APC2: variants seen among roughly 807,000 people sequenced by gnomAD.
APC2 encodes adenomatous polyposis coli protein 2.
In APC2, 41 loss-of-function variants were observed where a neutral mutation model predicts 72.5. That is an observed-to-expected ratio of 0.57 (90% CI 0.44 to 0.73). APC2 has a LOEUF of 0.73. APC2 is among the 30% of genes least tolerant of loss of function. The pLI is 0.00. For synonymous variants in APC2, 1,898 were observed against 1,612.0 expected (o/e 1.18, Z -4.25); for missense variants, 3,729 against 3,403.4 (o/e 1.10, Z -2.38).
chr19:1,453,637 C>G (rs757800171), intron 4 of APC2, 26 bp downstream of exon 4: 1 of 1,573,738 alleles, frequency 6.4e-7, no homozygotes, highest in South Asian at 1.1e-5. Flanking sequence ...AACCCAGCCT[C>G]GGGCAGCTGG....
Position 1,453,030 on chromosome 19 carries a change from A to G in APC2, c.29A>G (p.Gln10Arg), listed in dbSNP as rs756965873. Residue 10 changes from glutamine (Q) to arginine (R), a missense_variant, in exon 2 of 15, where the codon CAG becomes CGG. Gln to Arg is a conservative substitution (Grantham distance 43, BLOSUM62 1). Coordinates refer to ENST00000590469, the MANE Select transcript of APC2 (RefSeq NM_005883.3). The stretch of plus-strand genomic sequence containing the variant: ...GCGAGCTCCGTGGCGCCCTACGAGC[A>G]GCTGGTGAGGCAGGTGGAGGCCTTG... MASSVAPYE[Q>R]LVRQVEALKA... The G allele has an allele frequency of 1.6e-5, 26 of 1,611,296 alleles. No homozygotes were observed. The highest frequency in any genetic ancestry group is 2.0e-5 in the Non-Finnish European group (24 of 1,179,978).
chr19:1,448,121 A>C (rs1409117659), upstream of APC2, among the ~76,000 whole-genome samples: 1 of 151,814 alleles, frequency 6.6e-6, no homozygotes, highest in East Asian at 1.9e-4. Context: ...CCCCAACCCC[A>C]TTTCAGCCTC....
rs1470073185 is a variant in APC2 at position 1,469,512 on chromosome 19, C to T, written c.6211C>T (p.Arg2071Cys). 31 of 1,136,788 alleles carry T rather than the reference C, an allele frequency of 2.7e-5. No individual in the cohort carries two copies. The highest frequency in any genetic ancestry group is 4.4e-5 in the Admixed American group (1 of 22,518). The allele number at this position is 1,136,788 out of a possible 1,614,324, so 70.4% of individuals were successfully genotyped here. A position where few individuals can be genotyped will look rare whatever the true frequency, so the allele number is the denominator to read the frequency against. Residue 2071 changes from arginine (R) to cysteine (C), a missense_variant, in exon 15 of 15, where the codon CGC becomes TGC. Arg to Cys is a radical substitution (Grantham distance 180). Transcript: ENST00000590469. ...CGCGGCCCGACCCAGCCCTGGCGAGCGCCCTGCCCGGCGCACCACCTCCGA... is the reference window on the plus strand; with the variant it reads ...CGCGGCCCGACCCAGCCCTGGCGAGTGCCCTGCCCGGCGCACCACCTCCGA... ...PPAARPSPGE[R>C]PARRTTSESP...
At chr19:1,449,938 C>T (rs2083722334), upstream of APC2, among the ~76,000 whole-genome samples, 1 of 152,172 alleles carries the variant, frequency 6.6e-6, no homozygotes, top group Non-Finnish European at 1.5e-5. Context: ...CACCCCCTTC[C>T]CTCGGGGGGG....
At chr19:1,447,043 G>A (rs2083694051), upstream of APC2, among the ~76,000 whole-genome samples, 1 of 152,160 alleles carries the variant, frequency 6.6e-6, no homozygotes, top group African/African-American at 2.4e-5. Context: ...GCTGACGGAG[G>A]CGCACGTCTG....
chr19:1,455,932 G>GACAGAGTCAGA, intron 6 of APC2, 144 bp from the exon 7 acceptor site: 1 of 805,630 alleles, frequency 1.2e-6, no homozygotes, highest in Non-Finnish European at 1.9e-6. Context: ...TCAGGGAGAA[G>GACAGAGTCAGA]GCAGAGGTAG....
Position 1,458,076 on chromosome 19 carries a change from C to A in APC2, c.1303+16C>A. 6.4e-7 allele frequency: 1 copy of A among 1,551,456 alleles called. No individual in the cohort carries two copies. Among genetic ancestry groups the A allele is most frequent in the Non-Finnish European group, 8.7e-7 (1 of 1,145,528 alleles). ...AACGAGCTAGGTGAGTGTCCCAGGT[C>A]CTCTGGGAAGCCATCCTCCAGCCCC... On this transcript the variant is annotated intron_variant, in intron 10 of 14. Coordinates refer to ENST00000590469, the MANE Select transcript of APC2 (RefSeq NM_005883.3).
chr19:1,447,497 G>A (rs988183522), upstream of APC2, among the ~76,000 whole-genome samples: 1 of 152,132 alleles, frequency 6.6e-6, no homozygotes, highest in Non-Finnish European at 1.5e-5. Context: ...CCTAGGTCGG[G>A]GTCTTGGGCT....
chr19:1,468,547 G>T lies in APC2; in HGVS notation c.5246G>T (p.Arg1749Leu). ...GCGGAGGGAGAAATGGGCAGTGCCC[G>T]GCGGCCAGAGAAAAGGGGCGCAGCC... is the stretch of plus-strand genomic sequence containing the variant. ...RQAEGEMGSARRPEKRGAASV... is the reference protein window; with the variant it reads ...RQAEGEMGSALRPEKRGAASV... The change falls in exon 15 of 15, where the codon CGG (arginine) becomes CTG (leucine). Residue 1749 changes from arginine (R) to leucine (L), a missense_variant. By Grantham distance (102) the Arg-to-Leu change is moderately radical. Transcript: ENST00000590469. The T allele has an allele frequency of 6.3e-7, 1 of 1,598,516 alleles. No homozygotes were observed. The highest frequency in any genetic ancestry group is 2.3e-5 in the East Asian group (1 of 44,402).
At position 1,469,468 on chromosome 19, in the gene APC2, C is replaced by G; in HGVS notation, c.6167C>G (p.Pro2056Arg). 8.9e-7 allele frequency: 1 copy of G among 1,125,524 alleles called. No individual in the cohort carries two copies. The highest frequency in any genetic ancestry group is 1.1e-6 in the Non-Finnish European group (1 of 923,414). The allele number at this position is 1,125,524 out of a possible 1,614,324, so 69.7% of individuals were successfully genotyped here. The part of the protein sequence containing the change: ...LRAAPRQGPA[P>R]ARQRPPAARP... ...GCGGCACCCCGGCAGGGCCCGGCCC[C>G]GGCCCGGCAGCGGCCCCCCGCGGCC... The change falls in exon 15 of 15, where the codon CCG becomes CGG. Residue 2056 changes from proline to arginine, a missense_variant. By Grantham distance (103) the Pro-to-Arg change is moderately radical (BLOSUM62 -2). Coordinates refer to ENST00000590469, the MANE Select transcript of APC2 (RefSeq NM_005883.3).
upstream of APC2, chr19:1,446,411 C>T (rs1017474140): frequency 1.0e-6 from 1 of 972,748 alleles, no homozygotes; most frequent in Non-Finnish European, 1.2e-6. The surrounding 1 kb of genome is among the most constrained non-coding windows in gnomAD (Gnocchi z 6.1). Context: ...GTCCACACCG[C>T]GGGAACAGCG....
rs753913690 is a variant in APC2, at chr19:1,468,756, G to A, written c.5455G>A (p.Ala1819Thr). The part of the protein sequence containing the change: ...PGPRATPRKV[A>T]PPCLAQPAAP... ...CCCCCGCGCCACACCGCGGAAGGTG[G>A]CGCCCCCTTGCCTGGCACAGCCCGC... Residue 1819 changes from alanine (A) to threonine (T), a missense_variant, in exon 15 of 15, where the codon GCG (alanine) becomes ACG (threonine). By Grantham distance (58) the Ala-to-Thr change is moderately conservative. Coordinates refer to ENST00000590469, the MANE Select transcript of APC2 (RefSeq NM_005883.3). The A allele has an allele frequency of 4.7e-6, 7 of 1,497,966 alleles. No individual in the cohort carries two copies. In the Admixed American group the frequency reaches 9.0e-5, roughly 19 times the overall value. The allele number at this position is 1,497,966 out of a possible 1,614,324, so 92.8% of individuals were successfully genotyped here.
intron 8 of APC2, 68 bp downstream of exon 8, chr19:1,456,472 C>G: frequency 4.2e-6 from 6 of 1,441,528 alleles, no homozygotes; most frequent in Non-Finnish European, 5.6e-6. Flanking sequence ...GGTCTGCATC[C>G]TCGCCAGTGG....
At position 1,470,276 on chromosome 19, in the gene APC2, T is replaced by A; in HGVS notation, c.*63T>A. ...CCTGCGGCGCGGTCTGGCTGCCCCATGGGCCTGCGCTGTAGACGTCCCCCA... is the reference window on the plus strand; with the variant it reads ...CCTGCGGCGCGGTCTGGCTGCCCCAAGGGCCTGCGCTGTAGACGTCCCCCA... On this transcript the variant is annotated 3_prime_UTR_variant, in exon 15 of 15. Transcript: ENST00000590469. 1 of 1,495,604 alleles carries A rather than the reference T, an allele frequency of 6.7e-7. No homozygotes were observed. Among genetic ancestry groups the A allele is most frequent in the Non-Finnish European group, 8.9e-7 (1 of 1,124,950 alleles). The allele number at this position is 1,495,604 out of a possible 1,614,324, so 92.6% of individuals were successfully genotyped here. A position where few individuals can be genotyped will look rare whatever the true frequency, so the allele number is the denominator to read the frequency against.
At chr19:1,457,303 G>T in intron 9 of APC2, 60 bp downstream of exon 9, 3 of 1,463,610 alleles carry the variant, frequency 2.0e-6, no homozygotes, top group South Asian at 2.6e-5. Flanking sequence ...GGGCTTCCCG[G>T]GGGATGGGCG....
At position 1,465,882 on chromosome 19, in the gene APC2, ATCT is replaced by A; in HGVS notation, c.2582_2584del (p.Ile861_Ser862delinsThr). ...GCGCATCGACCAGCTGGTGGAGGAC[ATCT>A]CCGCCCTGCACACCTCGTCCGACGA... On this transcript the variant is annotated inframe_deletion, in exon 15 of 15. Coordinates refer to ENST00000590469, the MANE Select transcript of APC2 (RefSeq NM_005883.3). 1 of 1,568,670 alleles carries A rather than the reference ATCT, an allele frequency of 6.4e-7. No individual in the cohort carries two copies. Among genetic ancestry groups the A allele is most frequent in the Non-Finnish European group, 8.6e-7 (1 of 1,161,632 alleles).
chr19:1,467,229 G>A lies in APC2; in HGVS notation c.3928G>A (p.Gly1310Ser). ...ACPERGGGAG[G>S]AGLHFAGHRR... Reference sequence around the variant, plus strand: ...CCCCGAGCGCGGCGGGGGCGCCGGGGGCGCCGGCCTCCACTTTGCAGGGCA... The same window carrying A: ...CCCCGAGCGCGGCGGGGGCGCCGGGAGCGCCGGCCTCCACTTTGCAGGGCA... The change falls in exon 15 of 15, where the codon GGC (glycine) becomes AGC (serine). Residue 1310 changes from glycine to serine, a missense_variant. Transcript: ENST00000590469. 7.3e-7 allele frequency: 1 copy of A among 1,370,148 alleles called. No homozygotes were observed. The highest frequency in any genetic ancestry group is 9.4e-7 in the Non-Finnish European group (1 of 1,066,866). 84.9% of individuals were successfully genotyped at this position (1,370,148 alleles called of 1,614,324 possible).
rs1432928647 is a variant in APC2 at position 1,467,381 on chromosome 19, C to T, written c.4080C>T (p.Ser1360=). The change falls in exon 15 of 15, where the codon TCC becomes TCT. Residue 1360 remains serine (S), a synonymous_variant. Transcript: ENST00000590469. ...CTGCCCGGCTGCGCAAGGTGGCCTC[C>T]GCGCTGGTGCCAGGTCGCCGCGCAC... ...AVPARLRKVA[S]ALVPGRRALP... 4.0e-6 allele frequency: 6 copies of T among 1,485,868 alleles called. No individual in the cohort carries two copies. Among genetic ancestry groups the T allele is most frequent in the Non-Finnish European group, 5.3e-6 (6 of 1,123,892 alleles). The allele number at this position is 1,485,868 out of a possible 1,614,324, so 92.0% of individuals were successfully genotyped here.
intron 11 of APC2, 40 bp from the exon 12 acceptor site, chr19:1,460,740 T>C (rs373916231): frequency 1.9e-6 from 3 of 1,596,616 alleles, no homozygotes; most frequent in Non-Finnish European, 2.6e-6. Context: ...GTCTCCCTTG[T>C]GTCCCAACCC....
Sources: allele counts gnomAD v4.1 joint callset (sites outside exome capture counted in the v4.1 genomes callset), GRCh38; gene constraint gnomAD v4.1.1; non-coding constraint Gnocchi (gnomAD v3.1); transcripts MANE v1.5; gene names NCBI Gene and HGNC (gene_info 2026-07-23, HGNC 2026-07-21).